Variants in BEND7 observed in about 807,000 individuals in gnomAD.
BEND7 encodes BEN domain-containing protein 7.
In BEND7, 28 loss-of-function variants were observed where a neutral mutation model predicts 50.9. That is an observed-to-expected ratio of 0.55 (90% CI 0.41 to 0.75). The LOEUF is 0.75. BEND7 is among the 30% of genes least tolerant of loss of function. The probability of loss-of-function intolerance (pLI) is 0.00; values close to 1 mark genes in which losing one functional copy is unlikely to be tolerated. For synonymous variants in BEND7, 170 were observed against 183.9 expected (o/e 0.92, Z 0.61); for missense variants, 477 against 491.3 (o/e 0.97, Z 0.28).
rs1835264575 is a variant in BEND7 at position 13,441,184 on chromosome 10, C to T, written c.*559G>A. On this transcript the variant is annotated 3_prime_UTR_variant, in exon 9 of 9. Coordinates refer to ENST00000466271, the MANE Select transcript of BEND7 (RefSeq NM_001369863.1). Reference sequence around the variant, plus strand: ...ACAATGTTATACACCATTTTCACAACCAGGCTTGCATTGAATTCTTTTTTA... The same window carrying T: ...ACAATGTTATACACCATTTTCACAATCAGGCTTGCATTGAATTCTTTTTTA... 2 of 970,606 alleles carry T rather than the reference C, an allele frequency of 2.1e-6. No individual in the cohort carries two copies. Among genetic ancestry groups the T allele is most frequent in the Admixed American group, 6.1e-5 (1 of 16,262 alleles). 60.1% of individuals were successfully genotyped at this position (970,606 alleles called of 1,614,324 possible).
chr10:13,504,593 G>A (rs2077732867), intron 2 of BEND7, among the ~76,000 whole-genome samples: 1 of 152,208 alleles, frequency 6.6e-6, no homozygotes, highest in Non-Finnish European at 1.5e-5. Context: ...ATTAGTCAAT[G>A]ACTTCTCCAG....
chr10:13,472,185 C>G (rs1564296805), intron 6 of BEND7, among the ~76,000 whole-genome samples: 1 of 151,560 alleles, frequency 6.6e-6, no homozygotes, highest in Non-Finnish European at 1.5e-5. Context: ...ACACTCAGGG[C>G]CGATACCTGT....
intron 3 of BEND7, among the ~76,000 whole-genome samples, chr10:13,498,071 C>CTTTTTTTTT (rs67255529): frequency 1.8e-5 from 2 of 109,868 alleles, no homozygotes; most frequent in African/African-American, 3.4e-5. Context: ...ATTTCTTTTT[C>CTTTTTTTTT]TTTTTTTTTT....
intron 2 of BEND7, among the ~76,000 whole-genome samples, chr10:13,504,346 A>G (rs1343186080): frequency 1.3e-5 from 2 of 152,174 alleles, no homozygotes; most frequent in East Asian, 3.9e-4. Context: ...TCCTAAAGCA[A>G]GAGTCTGAAC....
chr10:13,462,259 C>T (rs1840362361), intron 6 of BEND7, among the ~76,000 whole-genome samples: 1 of 151,892 alleles, frequency 6.6e-6, no homozygotes, highest in South Asian at 2.1e-4. Flanking sequence ...AATGGACTCA[C>T]AGTTTAACAT....
chr10:13,441,225 T>A lies in BEND7; in HGVS notation c.*518A>T. 1 of 917,044 alleles carries A rather than the reference T, an allele frequency of 1.1e-6. No individual in the cohort carries two copies. Among genetic ancestry groups the A allele is most frequent in the Non-Finnish European group, 1.3e-6 (1 of 767,826 alleles). 56.8% of individuals were successfully genotyped at this position (917,044 alleles called of 1,614,324 possible). On this transcript the variant is annotated 3_prime_UTR_variant, in exon 9 of 9. Transcript: ENST00000466271. Reference sequence around the variant, plus strand: ...TTCTTTTTTAAAGAACATAGTAATTTTAAAAAATCTAAATATTTACATATT... The same window carrying A: ...TTCTTTTTTAAAGAACATAGTAATTATAAAAAATCTAAATATTTACATATT...
intron 5 of BEND7, among the ~76,000 whole-genome samples, chr10:13,488,771 G>A (rs532835211): frequency 2.6e-5 from 4 of 152,336 alleles, no homozygotes; most frequent in East Asian, 3.9e-4. Flanking sequence ...ACAGGCGTGA[G>A]CCACCGCGCC....
In BEND7 at chr10:13,441,436, CCGTTCATCGCACACATCTT is replaced by C; in HGVS notation, c.*288_*306del. ...TGATACGTATTTCCAGTGTGTAGATCCGTTCATCGCACACATCTTTGGGTTGAACAAGCTCCACCCGTCC... is the reference window on the plus strand; with the variant it reads ...TGATACGTATTTCCAGTGTGTAGATCTGGGTTGAACAAGCTCCACCCGTCC... On this transcript the variant is annotated 3_prime_UTR_variant, in exon 9 of 9. Transcript: ENST00000466271. 2 of 1,197,408 alleles carry C rather than the reference CCGTTCATCGCACACATCTT, an allele frequency of 1.7e-6. No individual in the cohort carries two copies. Among genetic ancestry groups the C allele is most frequent in the Non-Finnish European group, 2.1e-6 (2 of 968,506 alleles). 74.2% of individuals were successfully genotyped at this position (1,197,408 alleles called of 1,614,324 possible).
intron 6 of BEND7, among the ~76,000 whole-genome samples, chr10:13,458,423 T>C (rs751263525): frequency 1.3e-5 from 2 of 152,212 alleles, no homozygotes; most frequent in Non-Finnish European, 2.9e-5. Context: ...CTGGCTGTGC[T>C]GGGAAAAGAA....
chr10:13,516,961 C>T (rs1221949272), intron 2 of BEND7, among the ~76,000 whole-genome samples: 1 of 150,766 alleles, frequency 6.6e-6, no homozygotes, highest in Non-Finnish European at 1.5e-5. Context: ...TGTGACCATA[C>T]AAAAAATAAG....
chr10:13,485,717 TAAGAA>T (rs1054167217), intron 5 of BEND7, among the ~76,000 whole-genome samples: 2 of 152,222 alleles, frequency 1.3e-5, no homozygotes, highest in African/African-American at 4.8e-5. Flanking sequence ...TGCTTCAGTT[TAAGAA>T]AAGAAATTTT....
intron 2 of BEND7, among the ~76,000 whole-genome samples, chr10:13,503,981 G>A (rs1026526069): frequency 2.6e-5 from 4 of 152,236 alleles, no homozygotes; most frequent in Non-Finnish European, 5.9e-5. Flanking sequence ...CCTAGGAGGA[G>A]GGAGTCCTGG....
At chr10:13,441,857 T>G in intron 8 of BEND7, 107 bp from the exon 9 acceptor site, 1 of 1,119,212 alleles carries the variant, frequency 8.9e-7, no homozygotes, top group East Asian at 2.5e-5. Flanking sequence ...CAAACCTTCC[T>G]TGTAGCCCCC....
At chr10:13,512,960 A>C (rs1007663160) in intron 2 of BEND7, among the ~76,000 whole-genome samples, 1 of 152,210 alleles carries the variant, frequency 6.6e-6, no homozygotes, top group East Asian at 1.9e-4. Flanking sequence ...AGTGTCTTCC[A>C]AACTTTTCTG....
chr10:13,482,396 AT>A (rs763418749), intron 5 of BEND7, among the ~76,000 whole-genome samples: 14 of 152,206 alleles, frequency 9.2e-5, no homozygotes, highest in Admixed American at 8.5e-4. Flanking sequence ...TGATTCTTAG[AT>A]CTCCTATTCA....
chr10:13,441,578 C>A lies in BEND7; in HGVS notation c.*165G>T. On this transcript the variant is annotated 3_prime_UTR_variant, in exon 9 of 9. Coordinates refer to ENST00000466271, the MANE Select transcript of BEND7 (RefSeq NM_001369863.1). ...TTAACAGACCACAGTTGGAAGTTAG[C>A]GTTTCTGCCTTGACCAGCAACATAC... 3 of 1,457,422 alleles carry A rather than the reference C, an allele frequency of 2.1e-6. No individual in the cohort carries two copies. The South Asian group carries it at 4.5e-5, about 22-fold the overall frequency. The allele number at this position is 1,457,422 out of a possible 1,614,324, so 90.3% of individuals were successfully genotyped here.
At chr10:13,469,315 G>A (rs750960077) in intron 6 of BEND7, among the ~76,000 whole-genome samples, 6 of 151,880 alleles carry the variant, frequency 4.0e-5, no homozygotes, top group Non-Finnish European at 5.9e-5. Flanking sequence ...TTGACTGCAG[G>A]GAGCAGTCAG....
intron 6 of BEND7, among the ~76,000 whole-genome samples, chr10:13,465,691 T>C (rs1289877430): frequency 6.6e-6 from 1 of 152,210 alleles, no homozygotes; most frequent in Non-Finnish European, 1.5e-5. Flanking sequence ...ACTTTAAAAG[T>C]TAGTCAAGCC....
intron 2 of BEND7, among the ~76,000 whole-genome samples, chr10:13,505,448 T>C (rs1221931798): frequency 6.6e-6 from 1 of 152,198 alleles, no homozygotes; most frequent in Non-Finnish European, 1.5e-5. Flanking sequence ...ATAAAGGTAC[T>C]GGCCATGGGT....
Sources: allele counts gnomAD v4.1 joint callset (sites outside exome capture counted in the v4.1 genomes callset), GRCh38; gene constraint gnomAD v4.1.1; transcripts MANE v1.5; gene names NCBI Gene and HGNC (gene_info 2026-07-23, HGNC 2026-07-21).